MAST1: variants seen among roughly 807,000 people sequenced by gnomAD.
The protein encoded by MAST1 is microtubule-associated serine/threonine-protein kinase 1.
Under a neutral mutation model 124.6 loss-of-function variants are expected in MAST1, and 40 were observed. That is an observed-to-expected ratio of 0.32 (90% CI 0.25 to 0.42). The LOEUF (loss-of-function observed/expected upper bound fraction) is 0.42. Ranked by LOEUF, MAST1 falls within the 10% of genes least tolerant of loss-of-function variation. MAST1 has a pLI of 1.00. For missense variants in MAST1, 1,558 were observed against 2,181.9 expected, an observed-to-expected ratio of 0.71 and a Z score of 5.70; for synonymous variants, 938 against 939.4, an observed-to-expected ratio of 1.00 and a Z score of 0.03.
At position 12,838,628 on chromosome 19, in the gene MAST1, G is replaced by C. The variant is rs371773961; in HGVS notation, c.56G>C (p.Gly19Ala). The change falls in exon 1 of 26, where the codon GGC becomes GCC. Residue 19 changes from glycine to alanine, a missense_variant. Physicochemically the swap from Gly to Ala is moderately conservative, Grantham distance 60. Transcript: ENST00000251472. The surrounding 1 kb of genome is among the most constrained non-coding windows in gnomAD (Gnocchi z 4.3). ...LSNFSMPSFP[G>A]GSMFRRTKSC... ...AATTTCTCGATGCCCTCCTTCCCCG[G>C]CGGCAGTATGTTCCGCCGCACCAAG... 1 of 1,609,984 alleles carries C rather than the reference G, an allele frequency of 6.2e-7. No individual in the cohort carries two copies. The highest frequency in any genetic ancestry group is 1.3e-5 in the African/African-American group (1 of 74,308).
chr19:12,858,539 A>G lies in MAST1; in HGVS notation c.1166A>G (p.Tyr389Cys). The G allele has an allele frequency of 6.2e-7, 1 of 1,614,138 alleles. No homozygotes were observed. The highest frequency in any genetic ancestry group is 8.5e-7 in the Non-Finnish European group (1 of 1,180,010). The change falls in exon 12 of 26, where the codon TAC (tyrosine) becomes TGC (cysteine). Residue 389 changes from tyrosine to cysteine, a missense_variant. Coordinates refer to ENST00000251472, the MANE Select transcript of MAST1 (RefSeq NM_014975.3). ...GCTCTCTCCCCCTGCAGCGCTGTCT[A>G]CCTGGTGCGGCACCGCGACACGCGG... ...LISNGAYGAVYLVRHRDTRQR... is the reference protein window; with the variant it reads ...LISNGAYGAVCLVRHRDTRQR...
intron 18 of MAST1, 70 bp from the exon 19 acceptor site, chr19:12,867,404 C>A: frequency 6.3e-7 from 1 of 1,576,500 alleles, no homozygotes; most frequent in Non-Finnish European, 8.7e-7. Context: ...GGATCCACTG[C>A]CAGGAAGCTG....
At chr19:12,846,858 G>T (rs1222548815) in intron 4 of MAST1, among the ~76,000 whole-genome samples, 1 of 75,662 alleles carries the variant, frequency 1.3e-5, no homozygotes, top group East Asian at 5.4e-4. Context: ...CAACAAGAAC[G>T]AAACTCCATC....
At chr19:12,857,236 A>G (rs546184774) in intron 10 of MAST1, among the ~76,000 whole-genome samples, 2 of 151,970 alleles carry the variant, frequency 1.3e-5, no homozygotes, top group East Asian at 1.9e-4. Context: ...GGCATGTGCC[A>G]TCATGCCCAG....
chr19:12,843,469 C>T lies in MAST1; in HGVS notation c.249-60C>T, dbSNP rs562295177. 1.1e-5 allele frequency: 15 copies of T among 1,393,616 alleles called. No homozygotes were observed. The highest frequency in any genetic ancestry group is 2.8e-5 in the African/African-American group (2 of 70,742). 86.3% of individuals were successfully genotyped at this position (1,393,616 alleles called of 1,614,324 possible). A position where few individuals can be genotyped will look rare whatever the true frequency, so the allele number is the denominator to read the frequency against. On this transcript the variant is annotated intron_variant, in intron 3 of 25. Transcript: ENST00000251472. The surrounding 1 kb of genome is among the most constrained non-coding windows in gnomAD (Gnocchi z 4.9). ...CCTGGCCAGTGGCTTCACCCACACC[C>T]TGAGGAGTTGGGGGACCGCTGGGGC...
chr19:12,871,860 G>A (rs1970238793), intron 24 of MAST1, among the ~76,000 whole-genome samples: 1 of 139,922 alleles, frequency 7.1e-6, no homozygotes, highest in Admixed American at 7.9e-5. Context: ...AGGCTGCAGT[G>A]AGCTATGATC....
Position 12,874,274 on chromosome 19 carries a change from C to T in MAST1, c.4117C>T (p.Arg1373Cys). ...PGGAEACTPP[R>C]ATTPGGRTLE... ...GGGCGCCGAGGCGTGCACCCCACCC[C>T]GCGCGACGACCCCCGGTGGCCGGAC... The change falls in exon 26 of 26, where the codon CGC becomes TGC. Residue 1373 changes from arginine (R) to cysteine (C), a missense_variant. By Grantham distance (180) the Arg-to-Cys change is radical. Around this residue, in one of 10 missense-constraint regions of MAST1, gnomAD observed 263 missense variants for 310.9 expected, o/e 0.85. Coordinates refer to ENST00000251472, the MANE Select transcript of MAST1 (RefSeq NM_014975.3). The surrounding 1 kb of genome is among the most constrained non-coding windows in gnomAD (Gnocchi z 6.6). The T allele has an allele frequency of 1.3e-6, 2 of 1,584,506 alleles. No homozygotes were observed. Among genetic ancestry groups the T allele is most frequent in the Non-Finnish European group, 8.5e-7 (1 of 1,171,048 alleles).
At chr19:12,846,052 T>G (rs1314301295) in intron 4 of MAST1, among the ~76,000 whole-genome samples, 1 of 151,958 alleles carries the variant, frequency 6.6e-6, no homozygotes, top group Admixed American at 6.6e-5. Flanking sequence ...ACCCTGTCTC[T>G]GCAAAAAAGA....
At position 12,847,807 on chromosome 19, in the gene MAST1, T is replaced by G; in HGVS notation, c.565-41T>G. The G allele has an allele frequency of 1.9e-6, 3 of 1,585,338 alleles. No individual in the cohort carries two copies. Among genetic ancestry groups the G allele is most frequent in the Non-Finnish European group, 1.7e-6 (2 of 1,163,344 alleles). On this transcript the variant is annotated intron_variant, in intron 6 of 25. Coordinates refer to ENST00000251472, the MANE Select transcript of MAST1 (RefSeq NM_014975.3). The surrounding 1 kb of genome is among the most constrained non-coding windows in gnomAD (Gnocchi z 5.5). ...GCGCAGGCTCCTGGCGGCCGCAGCCTTCGGGCACAGCCCCGCGCCCCTCCT... is the reference window on the plus strand; with the variant it reads ...GCGCAGGCTCCTGGCGGCCGCAGCCGTCGGGCACAGCCCCGCGCCCCTCCT...
chr19:12,840,781 G>T (rs907151326), intron 2 of MAST1, among the ~76,000 whole-genome samples: 1 of 151,954 alleles, frequency 6.6e-6, no homozygotes, highest in Non-Finnish European at 1.5e-5. Flanking sequence ...TACCTGAGGG[G>T]CGGGGCCATC....
At position 12,874,274 on chromosome 19, in the gene MAST1, C is replaced by A. The variant is rs1476501079; in HGVS notation, c.4117C>A (p.Arg1373Ser). The change falls in exon 26 of 26, where the codon CGC becomes AGC. Residue 1373 changes from arginine (R) to serine (S), a missense_variant. Around this residue, in one of 10 missense-constraint regions of MAST1, gnomAD observed 263 missense variants for 310.9 expected, o/e 0.85. Transcript: ENST00000251472. The surrounding 1 kb of genome is among the most constrained non-coding windows in gnomAD (Gnocchi z 6.6). ...GGGCGCCGAGGCGTGCACCCCACCC[C>A]GCGCGACGACCCCCGGTGGCCGGAC... ...PGGAEACTPP[R>S]ATTPGGRTLE... 2 of 1,584,504 alleles carry A rather than the reference C, an allele frequency of 1.3e-6. No individual in the cohort carries two copies. The highest frequency in any genetic ancestry group is 1.1e-5 in the South Asian group (1 of 89,402).
In MAST1 at chr19:12,865,319, T is replaced by C; in HGVS notation, c.1642T>C (p.Cys548Arg). Residue 548 changes from cysteine (C) to arginine (R), a missense_variant, in exon 15 of 26, where the codon TGT becomes CGT. Physicochemically the swap from Cys to Arg is radical, Grantham distance 180. Around this residue, in one of 10 missense-constraint regions of MAST1, gnomAD observed 145 missense variants for 350.0 expected, o/e 0.41. Transcript: ENST00000251472. This position sits in a 1 kb window ranked among gnomAD's most constrained non-coding sequence, Gnocchi z 7.1. ...TGGGCTGACAGCCTGCCCCCAGGTG[T>C]GTGGGACCCCAGAGTACATCGCGCC... ...DAREFLDKQV[C>R]GTPEYIAPEV... 6.3e-7 allele frequency: 1 copy of C among 1,589,330 alleles called. No homozygotes were observed. Among genetic ancestry groups the C allele is most frequent in the Non-Finnish European group, 8.6e-7 (1 of 1,168,154 alleles).
intron 12 of MAST1, among the ~76,000 whole-genome samples, chr19:12,860,729 G>A (rs1970070727): frequency 6.6e-6 from 1 of 152,062 alleles, no homozygotes; most frequent in African/African-American, 2.4e-5. Context: ...TTACAGGCGT[G>A]AGCCATAGCT....
Position 12,873,645 on chromosome 19 carries a change from C to A in MAST1, c.3488C>A (p.Thr1163Lys). 6.3e-7 allele frequency: 1 copy of A among 1,595,262 alleles called. No individual in the cohort carries two copies. The highest frequency in any genetic ancestry group is 2.2e-5 in the East Asian group (1 of 44,610). The change falls in exon 26 of 26, where the codon ACG becomes AAG. Residue 1163 changes from threonine (T) to lysine (K), a missense_variant. By Grantham distance (78) the Thr-to-Lys change is moderately conservative. Transcript: ENST00000251472. ...CAGAGCAGCTCCCCAGCCTCGAGCA[C>A]GCCCAACTCGCCTGCGTCGTCGGCG... ...SSQSSSPASS[T>K]PNSPASSASH...
intron 12 of MAST1, chr19:12,858,967 C>G (rs1005751932): frequency 3.3e-6 from 2 of 603,078 alleles, no homozygotes; most frequent in East Asian, 2.7e-5. Flanking sequence ...AACATTCAGT[C>G]TGACCCATTA....
At chr19:12,848,202 AGTG>A (rs1969920318) in intron 7 of MAST1, 145 bp downstream of exon 7, 1 of 703,826 alleles carries the variant, frequency 1.4e-6, no homozygotes, top group Middle Eastern at 3.3e-4. Flanking sequence ...CAGGGGTGGA[AGTG>A]GTCCCTTCCC....
chr19:12,860,257 G>GGTGCCCGCCACC (rs1481020294), intron 12 of MAST1, among the ~76,000 whole-genome samples: 1 of 151,794 alleles, frequency 6.6e-6, no homozygotes, highest in Admixed American at 6.6e-5. Flanking sequence ...TGGGATTACA[G>GGTGCCCGCCACC]GTGCCCGCCA....
chr19:12,851,169 A>C (rs1240018181), intron 7 of MAST1, among the ~76,000 whole-genome samples: 1 of 151,868 alleles, frequency 6.6e-6, no homozygotes, highest in Non-Finnish European at 1.5e-5. Context: ...GCTGGTCTCA[A>C]ACCCCTGACC....
chr19:12,838,577 C>G lies in MAST1; in HGVS notation c.5C>G (p.Ser2Cys). 1 of 1,583,216 alleles carries G rather than the reference C, an allele frequency of 6.3e-7. No individual in the cohort carries two copies. The highest frequency in any genetic ancestry group is 8.6e-7 in the Non-Finnish European group (1 of 1,166,630). The change falls in exon 1 of 26, where the codon TCT (serine) becomes TGT (cysteine). Residue 2 changes from serine to cysteine, a missense_variant. By Grantham distance (112) the Ser-to-Cys change is moderately radical. This residue lies in a region of MAST1 where 42 missense variants were observed against 54.6 expected (regional missense o/e 0.77). Coordinates refer to ENST00000251472, the MANE Select transcript of MAST1 (RefSeq NM_014975.3). The surrounding 1 kb of genome is among the most constrained non-coding windows in gnomAD (Gnocchi z 4.3). ...CCATGTCGCCGCCGCCGGGTCATGT[C>G]TGACTCTCTCTGGACCGCGCTTTCT... is the stretch of plus-strand genomic sequence containing the variant. M[S>C]DSLWTALSNF...
Sources: allele counts gnomAD v4.1 joint callset (sites outside exome capture counted in the v4.1 genomes callset), GRCh38; gene constraint gnomAD v4.1.1; regional missense constraint gnomAD v4.1.1; non-coding constraint Gnocchi (gnomAD v3.1); transcripts MANE v1.5; gene names NCBI Gene and HGNC (gene_info 2026-07-23, HGNC 2026-07-21).